Variants in PUDP observed in about 807,000 individuals in gnomAD.
PUDP encodes the protein pseudouridine-5'-phosphatase.
In PUDP, 8 loss-of-function variants were observed where a neutral mutation model predicts 9.4. The ratio of observed to expected loss-of-function variants is 0.85; its 90% CI spans 0.50 to 1.53. PUDP has a LOEUF of 1.53. Ranked by LOEUF, PUDP falls within the 40% of genes most tolerant of loss-of-function variation. The pLI is 0.00. For synonymous variants in PUDP, 99 were observed against 80.7 expected (o/e 1.23, Z -1.22); for missense variants, 188 against 189.7 (o/e 0.99, Z 0.05).
At chrX:7,004,944 A>G (rs1173848261) in intron 1 of PUDP, among the ~76,000 whole-genome samples, 1 of 112,491 alleles carries the variant, frequency 8.9e-6, no homozygotes, top group African/African-American at 3.2e-5. Flanking sequence ...AGACAATTCC[A>G]GTATCTTCCC....
At chrX:7,067,021 C>T (rs1002329144) in intron 3 of PUDP, among the ~76,000 whole-genome samples, 1 of 112,125 alleles carries the variant, frequency 8.9e-6, no homozygotes, top group Non-Finnish European at 1.9e-5. Context: ...ATTTTCTCCA[C>T]ACAAAGCACA....
At chrX:6,711,693 T>G (rs1420703553) in intron 1 of PUDP, among the ~76,000 whole-genome samples, 1 of 111,702 alleles carries the variant, frequency 9.0e-6, no homozygotes, top group Non-Finnish European at 1.9e-5. Context: ...TTTGGGGTAG[T>G]GTTCTCTGAG....
intron 3 of PUDP, among the ~76,000 whole-genome samples, chrX:6,906,894 C>T (rs889564313): frequency 9.0e-6 from 1 of 111,615 alleles, no homozygotes; most frequent in Non-Finnish European, 1.9e-5. Context: ...CTCCTTCCTG[C>T]TTCTTGGCTT....
chrX:7,070,315 T>G (rs1458900005), intron 3 of PUDP, among the ~76,000 whole-genome samples: 1 of 111,608 alleles, frequency 9.0e-6, no homozygotes, highest in Non-Finnish European at 1.9e-5. Context: ...CAAGGACAAG[T>G]GAGCAGAGGC....
intron 1 of PUDP, among the ~76,000 whole-genome samples, chrX:7,040,773 G>GA (rs1477216618): frequency 9.0e-6 from 1 of 111,048 alleles, no homozygotes; most frequent in Non-Finnish European, 1.9e-5. Flanking sequence ...CTCCACCCAA[G>GA]AACTGAGTAA....
chrX:6,965,745 G>C (rs1291320530), intron 3 of PUDP, among the ~76,000 whole-genome samples: 1 of 111,750 alleles, frequency 8.9e-6, no homozygotes, highest in Non-Finnish European at 1.9e-5. Flanking sequence ...TATGTCAATC[G>C]GATATCTAAT....
intron 3 of PUDP, among the ~76,000 whole-genome samples, chrX:6,880,956 T>C (rs1927337907): frequency 8.9e-6 from 1 of 112,689 alleles, no homozygotes; most frequent in African/African-American, 3.2e-5. Context: ...ATCTTGTAGT[T>C]TGGCAGAGAA....
intron 3 of PUDP, among the ~76,000 whole-genome samples, chrX:6,893,679 T>G (rs72609585): frequency 0.066 from 7,385 of 111,666 alleles, 357 homozygotes; most frequent in East Asian, 0.32. Flanking sequence ...TTAACTTAGT[T>G]AGAAAGGCAA....
downstream of PUDP, among the ~76,000 whole-genome samples, chrX:7,047,743 A>G (rs1487414750): frequency 8.9e-6 from 1 of 112,816 alleles, no homozygotes; most frequent in African/African-American, 3.2e-5. Flanking sequence ...AAGGAGCTTT[A>G]GCCGACTGCT....
chrX:7,086,418 A>G (rs1370100444), intron 2 of PUDP, among the ~76,000 whole-genome samples: 1 of 112,546 alleles, frequency 8.9e-6, no homozygotes, highest in Non-Finnish European at 1.9e-5. Context: ...TTGATTTTTT[A>G]TAAGTTCTGT....
chrX:6,955,601 C>T (rs759585171), intron 3 of PUDP, among the ~76,000 whole-genome samples: 5 of 111,141 alleles, frequency 4.5e-5, no homozygotes, highest in African/African-American at 1.6e-4. Context: ...CAGAAATTGT[C>T]GCTTTTATAA....
At chrX:6,857,635 C>T (rs1388198751) in intron 3 of PUDP, among the ~76,000 whole-genome samples, 1 of 111,282 alleles carries the variant, frequency 9.0e-6, no homozygotes, top group Non-Finnish European at 1.9e-5. Flanking sequence ...GTTCTTGCTA[C>T]GTTGTCCAGG....
intron 1 of PUDP, among the ~76,000 whole-genome samples, chrX:6,717,264 A>C (rs1398488730): frequency 9.0e-6 from 1 of 111,107 alleles, no homozygotes; most frequent in Non-Finnish European, 1.9e-5. Flanking sequence ...CTTTTTCAGA[A>C]TGATACCCTT....
At chrX:6,782,512 G>A (rs1925580643) in intron 3 of PUDP, among the ~76,000 whole-genome samples, 1 of 111,740 alleles carries the variant, frequency 8.9e-6, no homozygotes, top group African/African-American at 3.3e-5. Flanking sequence ...GGAGGTTGCA[G>A]CAAGCAGAAA....
intron 3 of PUDP, among the ~76,000 whole-genome samples, chrX:6,963,022 C>G (rs1928730597): frequency 8.9e-6 from 1 of 112,729 alleles, no homozygotes; most frequent in Admixed American, 9.4e-5. Flanking sequence ...TAGATGCAAT[C>G]AATTCTGGCT....
At chrX:7,097,623 T>A (rs1569159077) in intron 2 of PUDP, among the ~76,000 whole-genome samples, 1 of 111,328 alleles carries the variant, frequency 9.0e-6, no homozygotes, top group Non-Finnish European at 1.9e-5. Context: ...CCCAAATGGA[T>A]GACATACTCC....
chrX:6,716,459 T>C (rs753368523), intron 1 of PUDP, among the ~76,000 whole-genome samples: 91 of 111,535 alleles, frequency 8.2e-4, no homozygotes, highest in African/African-American at 2.8e-3. Context: ...TATCCAACTC[T>C]GTAATTAGAC....
Position 7,145,348 on chromosome X carries a change from T to A in PUDP, c.61+2705A>T, listed in dbSNP as rs755592287. Among the ~76,000 whole-genome samples, 3 of 111,941 alleles carry A rather than the reference T, an allele frequency of 2.7e-5. No homozygotes were observed. The South Asian group carries it at 1.1e-3, about 41-fold the overall frequency. ...GCTCTGGACAACAAACTGTCTTCTC[T>A]TTTAAAGAAATTGGGACCATCTTTT... On this transcript the variant is annotated intron_variant, in intron 1 of 3. Coordinates refer to ENST00000381077, the MANE Select transcript of PUDP (RefSeq NM_012080.5).
chrX:6,752,588 G>C (rs983510952), intron 3 of PUDP, among the ~76,000 whole-genome samples: 23 of 111,798 alleles, frequency 2.1e-4, no homozygotes, highest in Admixed American at 5.7e-4. Flanking sequence ...GTGGCACTAA[G>C]GCTGTGGCAG....
Sources: allele counts gnomAD v4.1 joint callset (sites outside exome capture counted in the v4.1 genomes callset), GRCh38; gene constraint gnomAD v4.1.1; transcripts MANE v1.5; gene names NCBI Gene and HGNC (gene_info 2026-07-23, HGNC 2026-07-21).